Variants in CTIF observed in about 807,000 individuals in gnomAD.
CTIF encodes the protein CBP80/20-dependent translation initiation factor.
In CTIF, 21 loss-of-function variants were observed where a neutral mutation model predicts 66.0. The ratio of observed to expected loss-of-function variants is 0.32; its 90% CI spans 0.23 to 0.46. The LOEUF is 0.46. CTIF is among the 20% of genes least tolerant of loss of function. The pLI, the probability that CTIF is intolerant of heterozygous loss-of-function variation, is 1.00. For missense variants in CTIF, 739 were observed against 812.7 expected (o/e 0.91, Z 1.10); for synonymous variants, 345 against 326.4 (o/e 1.06, Z -0.62).
intron 2 of CTIF, among the ~76,000 whole-genome samples, chr18:48,622,808 C>T (rs565837788): frequency 1.8e-4 from 28 of 152,276 alleles, no homozygotes; most frequent in Middle Eastern, 3.4e-3. Flanking sequence ...GGAGCAGGGC[C>T]TGTGGATGGG....
intron 1 of CTIF, among the ~76,000 whole-genome samples, chr18:48,591,633 G>A (rs1226547099): frequency 2.6e-5 from 4 of 152,222 alleles, no homozygotes; most frequent in South Asian, 2.1e-4. Context: ...ATGCAACCCT[G>A]GCAGGTAGGC....
At chr18:48,651,991 C>T (rs2091163438) in intron 3 of CTIF, among the ~76,000 whole-genome samples, 1 of 152,182 alleles carries the variant, frequency 6.6e-6, no homozygotes, top group Non-Finnish European at 1.5e-5. Flanking sequence ...ATTTATAGCA[C>T]TAAATGCCCA....
intron 10 of CTIF, among the ~76,000 whole-genome samples, chr18:48,827,143 A>T (rs1334142148): frequency 4.6e-5 from 7 of 152,228 alleles, no homozygotes; most frequent in African/African-American, 1.7e-4. Context: ...TAGTGAATGC[A>T]GGATGACTCC....
At position 48,840,717 on chromosome 18, in the gene CTIF, AAC is replaced by A. The variant is rs1358829734; in HGVS notation, c.1528-16869_1528-16868del. 3.3e-5 allele frequency among the ~76,000 whole-genome samples: 5 copies of A among 152,062 alleles called. No individual in the cohort carries two copies. In the East Asian group the frequency reaches 9.7e-4, roughly 29 times the overall value. On this transcript the variant is annotated intron_variant, in intron 10 of 11. Coordinates refer to ENST00000256413, the MANE Select transcript of CTIF (RefSeq NM_014772.3). ...ACAGCCCGATTCTTCTCTGAACAGTAACAGAGCTTAATTGTCTCCGGCCCAGC... is the reference window on the plus strand; with the variant it reads ...ACAGCCCGATTCTTCTCTGAACAGTAAGAGCTTAATTGTCTCCGGCCCAGC...
chr18:48,707,747 C>A (rs2092176418), intron 6 of CTIF, among the ~76,000 whole-genome samples: 1 of 151,986 alleles, frequency 6.6e-6, no homozygotes, highest in African/African-American at 2.4e-5. Flanking sequence ...TATTCACCCT[C>A]TCATAGTATA....
At chr18:48,653,672 A>G (rs2091197240) in intron 3 of CTIF, among the ~76,000 whole-genome samples, 2 of 152,232 alleles carry the variant, frequency 1.3e-5, no homozygotes, top group Non-Finnish European at 2.9e-5. Context: ...TGCCAAGACA[A>G]TCCTAAGCAA....
intron 3 of CTIF, among the ~76,000 whole-genome samples, chr18:48,637,189 C>T (rs1468974536): frequency 1.3e-5 from 2 of 152,182 alleles, no homozygotes; most frequent in Non-Finnish European, 2.9e-5. Flanking sequence ...TCCCCCCAGC[C>T]AACCAACAGT....
intron 9 of CTIF, among the ~76,000 whole-genome samples, chr18:48,765,002 T>C (rs1413792868): frequency 1.3e-5 from 2 of 152,220 alleles, no homozygotes; most frequent in African/African-American, 4.8e-5. Context: ...CCTCAGGCCC[T>C]GTGCCTTCTC....
At chr18:48,654,249 G>T (rs1440188212) in intron 3 of CTIF, among the ~76,000 whole-genome samples, 1 of 151,966 alleles carries the variant, frequency 6.6e-6, no homozygotes, top group Non-Finnish European at 1.5e-5. Context: ...CTAATATTCA[G>T]AATCTACAAA....
At chr18:48,816,356 C>A (rs2068363776) in intron 9 of CTIF, among the ~76,000 whole-genome samples, 1 of 152,190 alleles carries the variant, frequency 6.6e-6, no homozygotes, top group East Asian at 1.9e-4. Flanking sequence ...TAAGCTACCC[C>A]AGATTCTTAT....
chr18:48,827,265 G>A (rs1418083057), intron 10 of CTIF, among the ~76,000 whole-genome samples: 3 of 152,178 alleles, frequency 2.0e-5, no homozygotes. Context: ...TTATTAAACT[G>A]GAAAGTCTCC....
At chr18:48,832,927 C>T (rs1192489940) in intron 10 of CTIF, among the ~76,000 whole-genome samples, 1 of 152,194 alleles carries the variant, frequency 6.6e-6, no homozygotes, top group Non-Finnish European at 1.5e-5. Flanking sequence ...TCAGGAAGTG[C>T]TGAGTCTGGG....
intron 7 of CTIF, among the ~76,000 whole-genome samples, chr18:48,715,300 G>T (rs181021711): frequency 6.6e-6 from 1 of 152,142 alleles, no homozygotes; most frequent in East Asian, 1.9e-4. Flanking sequence ...CCTCAAGAAT[G>T]TTCTTGACAT....
intron 9 of CTIF, among the ~76,000 whole-genome samples, chr18:48,782,685 G>A (rs922455584): frequency 2.6e-5 from 4 of 152,336 alleles, no homozygotes; most frequent in South Asian, 2.1e-4. Context: ...AGCTGCAGGC[G>A]GACAGGTCCT....
At chr18:48,560,597 A>T (rs2089135565) in intron 1 of CTIF, among the ~76,000 whole-genome samples, 1 of 151,540 alleles carries the variant, frequency 6.6e-6, no homozygotes, top group Non-Finnish European at 1.5e-5. Flanking sequence ...TTGAGACAGA[A>T]TCTTGTTCTG....
intron 9 of CTIF, among the ~76,000 whole-genome samples, chr18:48,765,957 T>C (rs552502569): frequency 0.047 from 5,801 of 124,212 alleles, 130 homozygotes; most frequent in Non-Finnish European, 0.061. Context: ...AATCATTTTT[T>C]CTTTTTTTTA....
chr18:48,774,393 C>G (rs1169208188), intron 9 of CTIF, among the ~76,000 whole-genome samples: 1 of 152,144 alleles, frequency 6.6e-6, no homozygotes. Flanking sequence ...CACTGCCTCC[C>G]ACCTAGAGCT....
chr18:48,800,559 G>A (rs563716609), intron 9 of CTIF, among the ~76,000 whole-genome samples: 64 of 152,304 alleles, frequency 4.2e-4, no homozygotes, highest in African/African-American at 1.5e-3. Flanking sequence ...CAAGGTGTGG[G>A]AGGTCAGCCA....
At chr18:48,669,119 C>A (rs1391778320) in intron 5 of CTIF, among the ~76,000 whole-genome samples, 1 of 152,068 alleles carries the variant, frequency 6.6e-6, no homozygotes, top group Non-Finnish European at 1.5e-5. Flanking sequence ...TGCTCCGGCA[C>A]CCAGCCCTGT....
Sources: allele counts gnomAD v4.1 joint callset (sites outside exome capture counted in the v4.1 genomes callset), GRCh38; gene constraint gnomAD v4.1.1; transcripts MANE v1.5; gene names NCBI Gene and HGNC (gene_info 2026-07-23, HGNC 2026-07-21).